Variants in RGS5 observed in about 807,000 individuals in gnomAD.
RGS5 encodes regulator of G-protein signalling 5.
In RGS5, 20 loss-of-function variants were observed where a neutral mutation model predicts 18.9. The observed-to-expected ratio is 1.06, with a 90% CI of 0.74 to 1.54. The LOEUF is 1.54. Ranked by LOEUF, RGS5 falls within the 40% of genes most tolerant of loss-of-function variation. The pLI is 0.00. For missense variants in RGS5, 201 were observed against 211.8 expected, an observed-to-expected ratio of 0.95 and a Z score of 0.32; for synonymous variants, 57 against 76.2, an observed-to-expected ratio of 0.75 and a Z score of 1.31.
chr1:163,154,148 T>G (rs1657493005), intron 3 of RGS5, among the ~76,000 whole-genome samples: 1 of 152,238 alleles, frequency 6.6e-6, no homozygotes, highest in South Asian at 2.1e-4. Context: ...ATTCATTTCC[T>G]TTGGCCTAAT....
chr1:163,258,552 T>C (rs1031930104), intron 2 of RGS5, among the ~76,000 whole-genome samples: 4 of 152,112 alleles, frequency 2.6e-5, no homozygotes, highest in Admixed American at 2.6e-4. Context: ...TGGTTTGGCC[T>C]GATAAGTTTT....
chr1:163,225,715 C>T (rs985175798), intron 2 of RGS5, among the ~76,000 whole-genome samples: 3 of 152,144 alleles, frequency 2.0e-5, no homozygotes, highest in African/African-American at 7.2e-5. Flanking sequence ...CCAGTCCAAT[C>T]AATCACAAAT....
At chr1:163,151,934 C>A (rs1205709733) in intron 4 of RGS5, among the ~76,000 whole-genome samples, 3 of 151,952 alleles carry the variant, frequency 2.0e-5, no homozygotes, top group African/African-American at 7.3e-5. Context: ...ATATGAGACC[C>A]AAGTCTAAAC....
intron 2 of RGS5, among the ~76,000 whole-genome samples, chr1:163,272,329 T>C (rs1279464466): frequency 1.3e-5 from 2 of 152,162 alleles, no homozygotes; most frequent in African/African-American, 4.8e-5. Flanking sequence ...TTTTGTACTT[T>C]GCAAATATCT....
At chr1:163,208,064 G>C (rs145461292) in intron 1 of RGS5, among the ~76,000 whole-genome samples, 11 of 152,168 alleles carry the variant, frequency 7.2e-5, no homozygotes, top group African/African-American at 2.6e-4. Context: ...TCCATTAAAA[G>C]AGAAGTTTTA....
At chr1:163,226,788 A>G (rs1571304543) in intron 2 of RGS5, among the ~76,000 whole-genome samples, 1 of 152,182 alleles carries the variant, frequency 6.6e-6, no homozygotes, top group African/African-American at 2.4e-5. Context: ...TCCAGTGGGA[A>G]AAAAGGGTTT....
At chr1:163,271,692 T>C (rs977744019) in intron 2 of RGS5, among the ~76,000 whole-genome samples, 1 of 152,220 alleles carries the variant, frequency 6.6e-6, no homozygotes, top group African/African-American at 2.4e-5. Context: ...CACTCACCAG[T>C]TGATGGACAT....
chr1:163,259,062 A>G (rs1196806476), intron 2 of RGS5, among the ~76,000 whole-genome samples: 2 of 152,094 alleles, frequency 1.3e-5, no homozygotes, highest in Non-Finnish European at 2.9e-5. Context: ...CATGACGATG[A>G]TGCTAGTTTA....
intron 4 of RGS5, among the ~76,000 whole-genome samples, chr1:163,147,716 G>T (rs971088429): frequency 6.6e-6 from 1 of 152,082 alleles, no homozygotes; most frequent in Non-Finnish European, 1.5e-5. Context: ...CCCACCAGGT[G>T]TCAGACCTCC....
At chr1:163,246,637 T>C (rs1327690290) in intron 2 of RGS5, among the ~76,000 whole-genome samples, 1 of 152,110 alleles carries the variant, frequency 6.6e-6, no homozygotes, top group African/African-American at 2.4e-5. Flanking sequence ...CCAAGCACTT[T>C]ACTACAACTC....
At chr1:163,208,229 T>C (rs1659995552) in intron 1 of RGS5, among the ~76,000 whole-genome samples, 1 of 146,510 alleles carries the variant, frequency 6.8e-6, no homozygotes, top group Admixed American at 6.9e-5. Flanking sequence ...GCGCCTGTAG[T>C]TCCAGCTACT....
intron 2 of RGS5, among the ~76,000 whole-genome samples, chr1:163,303,845 C>A (rs897294886): frequency 6.6e-6 from 1 of 152,100 alleles, no homozygotes; most frequent in Non-Finnish European, 1.5e-5. Context: ...ACTGCTCATG[C>A]GAGGGATCTA....
intron 2 of RGS5, among the ~76,000 whole-genome samples, chr1:163,241,434 C>G (rs534277899): frequency 6.6e-6 from 1 of 152,296 alleles, no homozygotes; most frequent in East Asian, 1.9e-4. Flanking sequence ...TTTTGTCTCT[C>G]TCTAGAAGGG....
At chr1:163,180,456 G>A (rs565173265) in intron 1 of RGS5, among the ~76,000 whole-genome samples, 1 of 152,222 alleles carries the variant, frequency 6.6e-6, no homozygotes, top group Admixed American at 6.5e-5. Flanking sequence ...ATGGTTCTCT[G>A]TGTTAACCAC....
intron 2 of RGS5, among the ~76,000 whole-genome samples, chr1:163,264,377 C>T (rs1374840628): frequency 6.6e-6 from 1 of 152,142 alleles, no homozygotes; most frequent in Non-Finnish European, 1.5e-5. Context: ...ATAGTCATAT[C>T]TACTTGATAG....
intron 2 of RGS5, among the ~76,000 whole-genome samples, chr1:163,225,861 C>T (rs1373876993): frequency 2.6e-5 from 4 of 152,148 alleles, no homozygotes; most frequent in Admixed American, 1.3e-4. Context: ...AGGACTATTT[C>T]CTGAGACAAT....
At chr1:163,311,198 CCTGT>C (rs762517344) in intron 1 of RGS5, among the ~76,000 whole-genome samples, 4 of 152,198 alleles carry the variant, frequency 2.6e-5, no homozygotes, top group Non-Finnish European at 4.4e-5. Context: ...TCTTCTTCCT[CCTGT>C]CTGTCAGCCT....
Position 163,291,467 on chromosome 1 carries a change from G to C in RGS5, c.-281+14766C>G, listed in dbSNP as rs529082856. ...CAGACTACCAGGCTAGGAAGGGAGA[G>C]GAGCCAGAATTCTGCTAATGTGTAG... is the stretch of plus-strand genomic sequence containing the variant. On this transcript the variant is annotated intron_variant, in intron 2 of 5. Coordinates refer to the RGS5 transcript ENST00000618415. Among the ~76,000 whole-genome samples, 13 of 152,304 alleles carry C rather than the reference G, an allele frequency of 8.5e-5. No homozygotes were observed. The South Asian group carries it at 2.5e-3, about 29-fold the overall frequency.
At chr1:163,207,476 C>G (rs1659978627), upstream of RGS5, among the ~76,000 whole-genome samples, 2 of 152,098 alleles carry the variant, frequency 1.3e-5, no homozygotes, top group Admixed American at 1.3e-4. Flanking sequence ...CCTCATTTTC[C>G]CAAATATGAA....
Sources: allele counts gnomAD v4.1 joint callset (sites outside exome capture counted in the v4.1 genomes callset), GRCh38; gene constraint gnomAD v4.1.1; transcripts MANE v1.5; gene names NCBI Gene and HGNC (gene_info 2026-07-23, HGNC 2026-07-21).